Variants in KIF14 observed in about 807,000 individuals in gnomAD.
KIF14 encodes the protein kinesin-like protein KIF14.
A neutral mutation model predicts 176.2 loss-of-function variants in KIF14; 98 were observed. That is an observed-to-expected ratio of 0.56 (90% CI 0.47 to 0.66). The LOEUF is 0.66. Among genes scored for constraint, KIF14 ranks in the 30% least tolerant of loss-of-function variants. The pLI, the probability that KIF14 is intolerant of heterozygous loss-of-function variation, is 0.00. For synonymous variants in KIF14, 566 were observed against 632.2 expected, an observed-to-expected ratio of 0.90 and a Z score of 1.57; for missense variants, 1,751 against 1,920.4, an observed-to-expected ratio of 0.91 and a Z score of 1.65.
At chr1:200,567,476 C>A (rs1428186135) in intron 23 of KIF14, among the ~76,000 whole-genome samples, 1 of 146,006 alleles carries the variant, frequency 6.8e-6, no homozygotes, top group Admixed American at 7.0e-5. Context: ...ACCCGGGAGG[C>A]GCAGCTGAGA....
At chr1:200,580,145 G>T in intron 21 of KIF14, 109 bp downstream of exon 21, 1 of 511,820 alleles carries the variant, frequency 2.0e-6, no homozygotes, top group Non-Finnish European at 3.0e-6. Flanking sequence ...TTTCTATATG[G>T]AGAATATGTC....
chr1:200,609,991 G>A (rs1029489228), intron 4 of KIF14, among the ~76,000 whole-genome samples: 3 of 152,288 alleles, frequency 2.0e-5, no homozygotes, highest in Admixed American at 1.3e-4. Flanking sequence ...TTCCAGAACA[G>A]GTAAATTCAT....
chr1:200,593,266 A>G (rs559371841), intron 15 of KIF14, among the ~76,000 whole-genome samples: 232 of 152,330 alleles, frequency 1.5e-3, no homozygotes, highest in African/African-American at 5.4e-3. Context: ...CCTGTAACAC[A>G]CTGCTGATGT....
intron 19 of KIF14, among the ~76,000 whole-genome samples, chr1:200,584,963 A>C (rs574110727): frequency 6.6e-6 from 1 of 152,338 alleles, no homozygotes; most frequent in Middle Eastern, 3.4e-3. Context: ...TAACACCACC[A>C]AAAGTGAAAT....
intron 25 of KIF14, among the ~76,000 whole-genome samples, chr1:200,561,532 C>T (rs987995411): frequency 6.7e-6 from 1 of 149,264 alleles, no homozygotes; most frequent in African/African-American, 2.5e-5. Context: ...GAGCGAGAGA[C>T]TCTGTCTCAC....
intron 27 of KIF14, among the ~76,000 whole-genome samples, chr1:200,556,308 A>T (rs192779320): frequency 3.3e-5 from 5 of 151,624 alleles, no homozygotes; most frequent in African/African-American, 4.8e-5. Context: ...TATGTGGTTT[A>T]AAAAAAAACA....
chr1:200,560,030 C>T (rs1657046738), intron 26 of KIF14, among the ~76,000 whole-genome samples: 1 of 152,142 alleles, frequency 6.6e-6, no homozygotes, highest in South Asian at 2.1e-4. Context: ...GTTGGGATTA[C>T]AGGTGTGAGC....
intron 21 of KIF14, among the ~76,000 whole-genome samples, chr1:200,578,544 TAAA>T (rs1658257280): frequency 6.6e-6 from 1 of 151,976 alleles, no homozygotes; most frequent in Non-Finnish European, 1.5e-5. Flanking sequence ...AACACCATAA[TAAA>T]TTCTATGTGA....
chr1:200,571,498 C>T (rs1185715099), intron 22 of KIF14, among the ~76,000 whole-genome samples: 1 of 152,122 alleles, frequency 6.6e-6, no homozygotes, highest in African/African-American at 2.4e-5. Context: ...AACTCCAATT[C>T]CTATGTCAAT....
At chr1:200,617,469 T>C (rs1660457691) in intron 2 of KIF14, 143 bp downstream of exon 2, 2 of 720,010 alleles carry the variant, frequency 2.8e-6, no homozygotes, top group Non-Finnish European at 2.3e-6. Flanking sequence ...ACACTACAAC[T>C]AGACCTAAAA....
At chr1:200,584,215 CAA>C (rs71135371) in intron 19 of KIF14, among the ~76,000 whole-genome samples, 1 of 135,164 alleles carries the variant, frequency 7.4e-6, no homozygotes. Context: ...GACTCTGTTT[CAA>C]AAAAAAAAAA....
chr1:200,588,687 G>T (rs550432540), intron 18 of KIF14, among the ~76,000 whole-genome samples: 1 of 152,322 alleles, frequency 6.6e-6, no homozygotes, highest in South Asian at 2.1e-4. Context: ...TTATCCCTTA[G>T]GCTTGTGAAA....
Position 200,618,344 on chromosome 1 carries a change from G to A in KIF14, c.380C>T (p.Thr127Ile). Reference sequence around the variant, plus strand: ...TGTTTTCCACTTTTCTGCAGAATCTGTTTTAGCACGACGTTGTAATGTAAG... The same window carrying A: ...TGTTTTCCACTTTTCTGCAGAATCTATTTTAGCACGACGTTGTAATGTAAG... ...TRLTLQRRAK[T>I]DSAEKWKTAE... is the part of the protein sequence containing the mutation. Residue 127 changes from threonine (T) to isoleucine (I), a missense_variant, in exon 2 of 30, where the codon ACA (threonine) becomes ATA (isoleucine). By Grantham distance (89) the Thr-to-Ile change is moderately conservative (BLOSUM62 -1). Transcript: ENST00000367350. 1.2e-6 allele frequency: 2 copies of A among 1,614,042 alleles called. No homozygotes were observed. Among genetic ancestry groups the A allele is most frequent in the East Asian group, 2.2e-5 (1 of 44,878 alleles).
intron 23 of KIF14, among the ~76,000 whole-genome samples, chr1:200,567,125 C>T (rs1015527555): frequency 4.0e-5 from 6 of 151,046 alleles, no homozygotes; most frequent in Non-Finnish European, 7.4e-5. Flanking sequence ...GAGCCGAGAT[C>T]GCGCCATTGC....
At chr1:200,593,612 A>T in intron 15 of KIF14, 55 bp downstream of exon 15, 2 of 1,121,986 alleles carry the variant, frequency 1.8e-6, no homozygotes, top group Non-Finnish European at 2.7e-6. Context: ...CAAAGAAATT[A>T]AATGACTTAT....
In KIF14 at chr1:200,618,111, T is replaced by C; in HGVS notation, c.613A>G (p.Arg205Gly). 6.2e-7 allele frequency: 1 copy of C among 1,614,158 alleles called. No individual in the cohort carries two copies. The highest frequency in any genetic ancestry group is 8.5e-7 in the Non-Finnish European group (1 of 1,180,034). The stretch of plus-strand genomic sequence containing the variant: ...TTAAGTGCAACATTTTCATTTGCTC[T>C]ACTGGGGGCAGAAAATGTTTCTTTG... ...KYKETFSAPS[R>G]ANENVALKYS... The change falls in exon 2 of 30, where the codon AGA becomes GGA. Residue 205 changes from arginine to glycine, a missense_variant. Transcript: ENST00000367350.
chr1:200,615,061 C>T (rs1417267932), intron 3 of KIF14, among the ~76,000 whole-genome samples: 1 of 152,054 alleles, frequency 6.6e-6, no homozygotes, highest in African/African-American at 2.4e-5. Context: ...TTAATTCTCA[C>T]CAAAATACTT....
intron 25 of KIF14, 91 bp from the exon 26 acceptor site, chr1:200,560,971 C>G: frequency 8.2e-7 from 1 of 1,214,896 alleles, no homozygotes. Flanking sequence ...CGGCTCACGC[C>G]TGTAATTCCA....
Position 200,601,940 on chromosome 1 carries a change from T to G in KIF14, c.2108A>C (p.Asn703Thr). 6.2e-7 allele frequency: 1 copy of G among 1,612,952 alleles called. No homozygotes were observed. The highest frequency in any genetic ancestry group is 1.7e-5 in the Admixed American group (1 of 59,872). Residue 703 changes from asparagine (N) to threonine (T), a missense_variant, in exon 11 of 30, where the codon AAC becomes ACC. Asn to Thr is a moderately conservative substitution (Grantham distance 65). Transcript: ENST00000367350. ...RYANQARLIV[N>T]IAKVNEDMNA... ...CATATCTTCATTTACTTTAGCAATG[T>G]TGACTATTAAACGGGCTTGGTTAGC...
Sources: gnomAD v4.1 joint callset for allele counts (sites outside exome capture counted in the v4.1 genomes callset) on GRCh38, gnomAD v4.1.1 for gene constraint, MANE v1.5 for transcripts, NCBI Gene and HGNC (gene_info 2026-07-23, HGNC 2026-07-21) for gene names.